The following HEG1 variants were observed in gnomAD, a reference collection of about 807,000 sequenced individuals.
HEG1 encodes the protein protein HEG homolog 1.
A neutral mutation model predicts 125.6 loss-of-function variants in HEG1; 56 were observed. That is an observed-to-expected ratio of 0.45 (90% CI 0.36 to 0.56). The LOEUF (loss-of-function observed/expected upper bound fraction) is 0.56, where lower values mean the gene tolerates loss of function less well. Ranked by LOEUF, HEG1 falls within the 20% of genes least tolerant of loss-of-function variation. The pLI is 0.00. For missense variants in HEG1, 1,523 were observed against 1,670.0 expected (o/e 0.91, Z 1.53); for synonymous variants, 644 against 668.5 (o/e 0.96, Z 0.57).
rs866631172 is a variant in HEG1 at position 125,010,508 on chromosome 3, C to T, written c.3004G>A (p.Ala1002Thr). ...TGGTAGCCACGGCTGGTGTTGTCTG[C>T]GACGCATTCGCCATTGTGAAGACAA... ...NPCLHNGECV[A>T]DNTSRGYHCR... is the part of the protein sequence containing the mutation. Residue 1002 changes from alanine (A) to threonine (T), a missense_variant, in exon 7 of 17, where the codon GCA (alanine) becomes ACA (threonine). Physicochemically the swap from Ala to Thr is moderately conservative, Grantham distance 58. Coordinates refer to ENST00000311127, the MANE Select transcript of HEG1 (RefSeq NM_020733.2). 49 of 1,559,940 alleles carry T rather than the reference C, an allele frequency of 3.1e-5. No individual in the cohort carries two copies. The highest frequency in any genetic ancestry group is 1.7e-4 in the Middle Eastern group (1 of 6,016).
At chr3:125,015,019 G>A in intron 5 of HEG1, 4 of 1,230,190 alleles carry the variant, frequency 3.3e-6, no homozygotes, top group Non-Finnish European at 4.2e-6. Flanking sequence ...AAGGCTAAAA[G>A]TAGAGTGAAA....
chr3:125,010,422 G>T lies in HEG1; in HGVS notation c.3073+17C>A. The T allele has an allele frequency of 6.6e-7, 1 of 1,504,922 alleles. No individual in the cohort carries two copies. The highest frequency in any genetic ancestry group is 9.0e-7 in the Non-Finnish European group (1 of 1,105,396). 93.2% of individuals were successfully genotyped at this position (1,504,922 alleles called of 1,614,324 possible). The stretch of plus-strand genomic sequence containing the variant: ...GGTACTGTGGTGCAGACCACTGGGC[G>T]TTACTTTTTCTCTTACCCACACTGC... On this transcript the variant is annotated intron_variant, in intron 7 of 16. Transcript: ENST00000311127.
At chr3:125,044,495 T>C (rs1164982668) in intron 1 of HEG1, among the ~76,000 whole-genome samples, 1 of 152,210 alleles carries the variant, frequency 6.6e-6, no homozygotes, top group Non-Finnish European at 1.5e-5. Flanking sequence ...CCAGCCACTG[T>C]GCTAAGCATT....
At chr3:124,981,852 GCACA>G (rs201017901) in intron 14 of HEG1, among the ~76,000 whole-genome samples, 7 of 150,794 alleles carry the variant, frequency 4.6e-5, no homozygotes, top group South Asian at 2.1e-4. Context: ...ATTTACATAT[GCACA>G]CACACACACA....
intron 16 of HEG1, among the ~76,000 whole-genome samples, chr3:124,971,789 CTTTTT>C: frequency 7.8e-6 from 1 of 128,494 alleles, no homozygotes; most frequent in Non-Finnish European, 1.6e-5. Context: ...TGCGCCCGGC[CTTTTT>C]TTTTTTTTTT....
chr3:124,979,204 G>C (rs1268835469), intron 14 of HEG1, among the ~76,000 whole-genome samples: 1 of 151,984 alleles, frequency 6.6e-6, no homozygotes, highest in Non-Finnish European at 1.5e-5. Context: ...CACCAGCCTC[G>C]GCCTCCCAAA....
intron 1 of HEG1, among the ~76,000 whole-genome samples, chr3:125,050,179 T>C (rs1040404703): frequency 2.0e-5 from 3 of 150,918 alleles, no homozygotes; most frequent in Non-Finnish European, 4.4e-5. Flanking sequence ...AGTCTCACTT[T>C]GTTGCCCAAG....
intron 1 of HEG1, among the ~76,000 whole-genome samples, chr3:125,038,834 C>T (rs561303368): frequency 6.6e-6 from 1 of 152,294 alleles, no homozygotes; most frequent in Non-Finnish European, 1.5e-5. Flanking sequence ...GACGGGATTC[C>T]TCAAGCTTCA....
At chr3:125,028,356 G>A (rs775003419) in intron 2 of HEG1, among the ~76,000 whole-genome samples, 3 of 152,118 alleles carry the variant, frequency 2.0e-5, no homozygotes, top group African/African-American at 4.8e-5. Flanking sequence ...CCCTAACCCC[G>A]TTCACGCAAT....
At chr3:124,988,973 C>T (rs1480646272) in intron 14 of HEG1, among the ~76,000 whole-genome samples, 1 of 152,166 alleles carries the variant, frequency 6.6e-6, no homozygotes, top group Non-Finnish European at 1.5e-5. Context: ...ACTCATATGA[C>T]TATAAATATA....
rs536855396 is a variant in HEG1 at position 125,044,024 on chromosome 3, C to T, written c.316+11551G>A. On this transcript the variant is annotated intron_variant, in intron 1 of 16. Transcript: ENST00000311127. ...TCTGCAGTTAATTTACTCGACAGAC[C>T]TCTGTGAAGTGGCCCAGGACTCTGA... Among the ~76,000 whole-genome samples, 10 of 152,318 alleles carry T rather than the reference C, an allele frequency of 6.6e-5. No homozygotes were observed. In the South Asian group the frequency reaches 1.2e-3, roughly 19 times the overall value.
chr3:125,052,199 C>G (rs1937827929), intron 1 of HEG1, among the ~76,000 whole-genome samples: 2 of 150,876 alleles, frequency 1.3e-5, no homozygotes, highest in South Asian at 4.2e-4. Context: ...GGAATCCCCA[C>G]TACCACCACC....
chr3:125,026,776 G>A (rs1033329379), intron 3 of HEG1, among the ~76,000 whole-genome samples: 2 of 152,064 alleles, frequency 1.3e-5, no homozygotes, highest in African/African-American at 2.4e-5. Context: ...AAGGTGAGTG[G>A]ATCGCCTGAG....
chr3:124,977,694 C>T (rs1414210272), intron 15 of HEG1, among the ~76,000 whole-genome samples, 165 bp downstream of exon 15: 1 of 152,188 alleles, frequency 6.6e-6, no homozygotes, highest in Non-Finnish European at 1.5e-5. Flanking sequence ...TCCTCACAGG[C>T]ACCAACTATC....
In HEG1 at chr3:124,987,950, C is replaced by CAT. The variant is rs1220849175; in HGVS notation, c.3733+2836_3733+2837insAT. ...ACACACACACACACACACACACACA[C>CAT]ACATATATATATATATATATATATA... On this transcript the variant is annotated intron_variant, in intron 14 of 16. Transcript: ENST00000311127. Among the ~76,000 whole-genome samples, 245 of 83,998 alleles carry CAT rather than the reference C, an allele frequency of 2.9e-3. 4 individuals carry two copies. Among genetic ancestry groups the CAT allele is most frequent in the South Asian group, 7.6e-3 (14 of 1,852 alleles). 55.1% of individuals were successfully genotyped at this position (83,998 alleles called of 152,430 possible).
In HEG1 at chr3:125,013,285, G is replaced by A; in HGVS notation, c.2294C>T (p.Ser765Leu). Reference protein sequence around the residue: ...VTSFQTSTMTSFMTMLHSSQT... With the variant: ...VTSFQTSTMTLFMTMLHSSQT... Reference sequence around the variant, plus strand: ...ACTACTATGGAGCATTGTCATGAATGATGTCATTGTTGATGTCTGAAATGA... The same window carrying A: ...ACTACTATGGAGCATTGTCATGAATAATGTCATTGTTGATGTCTGAAATGA... Residue 765 changes from serine (S) to leucine (L), a missense_variant, in exon 6 of 17, where the codon TCA becomes TTA. By Grantham distance (145) the Ser-to-Leu change is moderately radical (BLOSUM62 -2). Transcript: ENST00000311127. 6.2e-7 allele frequency: 1 copy of A among 1,614,026 alleles called. No homozygotes were observed. Among genetic ancestry groups the A allele is most frequent in the Non-Finnish European group, 8.5e-7 (1 of 1,179,898 alleles).
At chr3:124,993,102 C>G (rs568553090) in intron 12 of HEG1, among the ~76,000 whole-genome samples, 2 of 152,192 alleles carry the variant, frequency 1.3e-5, no homozygotes, top group South Asian at 4.1e-4. Context: ...TTTTAGGGAC[C>G]CTGACTCTTT....
chr3:125,028,435 C>T (rs113462882), intron 2 of HEG1, among the ~76,000 whole-genome samples: 1 of 152,146 alleles, frequency 6.6e-6, no homozygotes, highest in African/African-American at 2.4e-5. Context: ...GCTGGCCTTA[C>T]CACCCTACAG....
At chr3:124,976,211 G>A (rs895022037) in intron 15 of HEG1, among the ~76,000 whole-genome samples, 4 of 152,010 alleles carry the variant, frequency 2.6e-5, no homozygotes, top group Admixed American at 6.6e-5. Flanking sequence ...TGTTTGAGAC[G>A]GAGTCTGGCT....
Sources: allele counts gnomAD v4.1 joint callset (sites outside exome capture counted in the v4.1 genomes callset), GRCh38; gene constraint gnomAD v4.1.1; transcripts MANE v1.5; gene names NCBI Gene and HGNC (gene_info 2026-07-23, HGNC 2026-07-21).